Variants in EFHB observed in about 807,000 individuals in gnomAD.
EFHB encodes the protein EF-hand domain-containing family member B.
Under a neutral mutation model 87.2 loss-of-function variants are expected in EFHB, and 91 were observed. The ratio of observed to expected loss-of-function variants is 1.04; its 90% confidence interval spans 0.88 to 1.24. The LOEUF (loss-of-function observed/expected upper bound fraction) is 1.24, where lower values mean the gene tolerates loss of function less well. EFHB is among the 50% of genes most tolerant of loss of function. The pLI is 0.00. For missense variants in EFHB, 1,084 were observed against 998.8 expected, an observed-to-expected ratio of 1.09 and a Z score of -1.15; for synonymous variants, 325 against 333.6, an observed-to-expected ratio of 0.97 and a Z score of 0.28.
intron 1 of EFHB, among the ~76,000 whole-genome samples, chr3:19,927,256 T>C (rs1395831078): frequency 6.6e-6 from 1 of 152,188 alleles, no homozygotes; most frequent in Non-Finnish European, 1.5e-5. Context: ...GCTTAGAAAA[T>C]AACCATTGTA....
intron 5 of EFHB, among the ~76,000 whole-genome samples, chr3:19,914,667 A>T (rs1040218488): frequency 6.6e-6 from 1 of 152,170 alleles, no homozygotes; most frequent in Non-Finnish European, 1.5e-5. Flanking sequence ...ATATATAATG[A>T]TCAAATAAGT....
intron 1 of EFHB, among the ~76,000 whole-genome samples, chr3:19,929,708 CAAAAAAAAAAAA>C (rs34016968): frequency 1.4e-4 from 11 of 79,792 alleles, no homozygotes; most frequent in Middle Eastern, 8.2e-3. Flanking sequence ...GACTCCATCT[CAAAAAAAAAAAA>C]AAAAAAAAAG....
At chr3:19,886,409 A>AT (rs1242018046) in intron 10 of EFHB, among the ~76,000 whole-genome samples, 1 of 152,182 alleles carries the variant, frequency 6.6e-6, no homozygotes, top group Non-Finnish European at 1.5e-5. Flanking sequence ...AAAAATGTAA[A>AT]TATCTTTTTA....
chr3:19,938,942 T>C (rs1053720446), upstream of EFHB, among the ~76,000 whole-genome samples: 2 of 152,224 alleles, frequency 1.3e-5, no homozygotes, highest in African/African-American at 4.8e-5. Context: ...AGTCTCACTC[T>C]GTCACCCAGG....
Position 19,933,423 on chromosome 3 carries a change from G to A in EFHB, c.596C>T (p.Ala199Val). The change falls in exon 1 of 13, where the codon GCC becomes GTC. Residue 199 changes from alanine to valine, a missense_variant. Transcript: ENST00000295824. The part of the protein sequence containing the change: ...PVEVDIGLTQ[A>V]EGPDETKNTE... ...ATTCTTAGTCTCATCTGGCCCCTCG[G>A]CTTGGGTTAGTCCAATGTCCACCTC... 6.2e-7 allele frequency: 1 copy of A among 1,613,976 alleles called. No homozygotes were observed. The highest frequency in any genetic ancestry group is 8.5e-7 in the Non-Finnish European group (1 of 1,179,900).
chr3:19,903,255 G>A (rs1694732149), intron 6 of EFHB, among the ~76,000 whole-genome samples: 1 of 151,876 alleles, frequency 6.6e-6, no homozygotes, highest in Non-Finnish European at 1.5e-5. Context: ...GTAGAGACAA[G>A]TTGGAGGGAA....
In EFHB at chr3:19,893,256, C is replaced by T. The variant is rs549841385; in HGVS notation, c.1725+3431G>A. ...ATGCCCAGCCCATATTCTCTATTTT[C>T]GCCTAGACCTTTTGTTAGGAAAGGT... On this transcript the variant is annotated intron_variant, in intron 9 of 12. Coordinates refer to ENST00000295824, the MANE Select transcript of EFHB (RefSeq NM_144715.4). Among the ~76,000 whole-genome samples, 318 of 152,236 alleles carry T rather than the reference C, an allele frequency of 2.1e-3. 1 individual carries two copies. Among genetic ancestry groups the T allele is most frequent in the African/African-American group, 7.0e-3 (291 of 41,530 alleles).
At chr3:19,933,170 T>C in intron 1 of EFHB, 60 bp downstream of exon 1, 4 of 1,490,370 alleles carry the variant, frequency 2.7e-6, no homozygotes, top group Non-Finnish European at 3.6e-6. Context: ...CACTTTATCA[T>C]CTCAATAAAG....
At chr3:19,908,628 G>A (rs1054334921) in intron 5 of EFHB, among the ~76,000 whole-genome samples, 4 of 150,382 alleles carry the variant, frequency 2.7e-5, no homozygotes, top group African/African-American at 4.9e-5. Flanking sequence ...AAGAAAGAAA[G>A]AAAGAAAGAA....
intron 1 of EFHB, chr3:19,946,209 T>G (rs1028111338): frequency 6.6e-6 from 1 of 152,244 alleles, no homozygotes; most frequent in East Asian, 1.9e-4. Flanking sequence ...CACACAGCCG[T>G]GATCTCGGAC....
intron 7 of EFHB, 121 bp downstream of exon 7, chr3:19,899,311 T>C (rs1694589875): frequency 7.3e-6 from 5 of 682,608 alleles, no homozygotes; most frequent in Non-Finnish European, 6.7e-6. Flanking sequence ...TGATTAACAA[T>C]AAAATAATGA....
chr3:19,893,288 T>C (rs1694366423), intron 9 of EFHB, among the ~76,000 whole-genome samples: 1 of 152,190 alleles, frequency 6.6e-6, no homozygotes, highest in Non-Finnish European at 1.5e-5. Context: ...AGGTCAGATA[T>C]AAGAGGGACC....
rs1356385755 is a variant in EFHB, at chr3:19,898,864, C to T, written c.1503-19G>A. The T allele has an allele frequency of 6.2e-7, 1 of 1,612,304 alleles. No homozygotes were observed. The highest frequency in any genetic ancestry group is 1.7e-5 in the Admixed American group (1 of 59,818). On this transcript the variant is annotated intron_variant, in intron 7 of 12. Coordinates refer to ENST00000295824, the MANE Select transcript of EFHB (RefSeq NM_144715.4). ...TGCAATGCTATCAAAGAAAACAAAT[C>T]CTTAGTTAAAATACCCACCACATGG...
Position 19,899,446 on chromosome 3 carries a change from TC to T in EFHB, c.1487del (p.Gly496GlufsTer4). On this transcript the variant is annotated frameshift_variant, in exon 7 of 13. Coordinates refer to ENST00000295824, the MANE Select transcript of EFHB (RefSeq NM_144715.4). LOFTEE classifies it high-confidence loss of function. ...DFKEKFQHKL[G>X]RVLDPIAETM... ...CATTAACTTACGGATCTAAAACTCTTCCAAGTTTATGTTGAAACTTTTCTTT... is the reference window on the plus strand; with the variant it reads ...CATTAACTTACGGATCTAAAACTCTTCAAGTTTATGTTGAAACTTTTCTTT... The T allele has an allele frequency of 6.2e-7, 1 of 1,600,818 alleles. No individual in the cohort carries two copies. Among genetic ancestry groups the T allele is most frequent in the Non-Finnish European group, 8.5e-7 (1 of 1,175,486 alleles).
chr3:19,920,596 T>C, intron 1 of EFHB, 29 bp from the exon 2 acceptor site: 5 of 1,560,590 alleles, frequency 3.2e-6, no homozygotes, highest in Non-Finnish European at 4.4e-6. Context: ...GGTTGATCAT[T>C]GCCAGGGTGG....
Position 19,888,535 on chromosome 3 carries a change from A to T in EFHB, c.1842T>A (p.Asp614Glu). The T allele has an allele frequency of 1.9e-6, 3 of 1,589,388 alleles. No homozygotes were observed. Among genetic ancestry groups the T allele is most frequent in the Non-Finnish European group, 2.6e-6 (3 of 1,166,286 alleles). ...QLFDYCDVDN[D>E]GFINYLEFAN... ...CGAATTCCAGATAGTTAATGAAGCCATCATTATCCACATCACAGTAGTCAA... is the reference window on the plus strand; with the variant it reads ...CGAATTCCAGATAGTTAATGAAGCCTTCATTATCCACATCACAGTAGTCAA... The change falls in exon 10 of 13, where the codon GAT becomes GAA. Residue 614 changes from aspartate to glutamate, a missense_variant. Coordinates refer to ENST00000295824, the MANE Select transcript of EFHB (RefSeq NM_144715.4).
chr3:19,892,903 G>A (rs11925668), intron 9 of EFHB, among the ~76,000 whole-genome samples: 3,782 of 87,120 alleles, frequency 0.043, 174 homozygotes, highest in African/African-American at 0.2. Context: ...AAATCAGTAT[G>A]TTCCATCCCA....
chr3:19,882,700 T>C lies in EFHB; in HGVS notation c.2178A>G (p.Arg726=), dbSNP rs1364359444. 2 of 1,613,634 alleles carry C rather than the reference T, an allele frequency of 1.2e-6. No homozygotes were observed. Among genetic ancestry groups the C allele is most frequent in the Non-Finnish European group, 8.5e-7 (1 of 1,179,732 alleles). Residue 726 remains arginine, a synonymous_variant, in exon 12 of 13, where the codon CGA becomes CGG. Transcript: ENST00000295824. ...CYPICGVPTI[R]SDIPAPRIRR... ...GAATTCGGGGAGCAGGAATGTCAGA[T>C]CGAATGGTTGGAACACCACAAATGG...
intron 6 of EFHB, among the ~76,000 whole-genome samples, chr3:19,901,650 T>C (rs1325037411): frequency 6.6e-6 from 1 of 152,038 alleles, no homozygotes; most frequent in African/African-American, 2.4e-5. Context: ...GAGTTAACAA[T>C]CTAAAAATCA....
Sources: gnomAD v4.1 joint callset for allele counts (sites outside exome capture counted in the v4.1 genomes callset) on GRCh38, gnomAD v4.1.1 for gene constraint, MANE v1.5 for transcripts, NCBI Gene and HGNC (gene_info 2026-07-23, HGNC 2026-07-21) for gene names.